Variants in FAM98B observed in about 807,000 individuals in gnomAD.
FAM98B encodes the protein tRNA splicing ligase complex subunit 3B.
Under a neutral mutation model 43.9 loss-of-function variants are expected in FAM98B, and 32 were observed. That is an observed-to-expected ratio of 0.73 (90% CI 0.55 to 0.98). The LOEUF (loss-of-function observed/expected upper bound fraction) is 0.98, where lower values mean the gene tolerates loss of function less well. Among genes scored for constraint, FAM98B ranks in the 50% least tolerant of loss-of-function variants. FAM98B has a pLI of 0.00. For missense variants in FAM98B, 514 were observed against 522.9 expected (o/e 0.98, Z 0.17); for synonymous variants, 190 against 174.0 (o/e 1.09, Z -0.72).
Position 38,454,240 on chromosome 15 carries a change from C to A in FAM98B, c.71+8C>A, listed in dbSNP as rs1428751126. 2.5e-6 allele frequency: 4 copies of A among 1,597,700 alleles called. No individual in the cohort carries two copies. Among genetic ancestry groups the A allele is most frequent in the Non-Finnish European group, 3.4e-6 (4 of 1,173,646 alleles). On this transcript the variant is annotated splice_region_variant and intron_variant, in intron 1 of 7. Transcript: ENST00000397609. ...CACACTGGAGGCGCTGGGGTGAGTG[C>A]TTTTGGAGACGCCTTTTCCCTGAAA...
intron 1 of FAM98B, among the ~76,000 whole-genome samples, chr15:38,459,886 T>C (rs546925864): frequency 2.0e-5 from 3 of 152,296 alleles, no homozygotes; most frequent in African/African-American, 7.2e-5. Flanking sequence ...CACTGTGTTG[T>C]AGATGAAAGA....
In FAM98B at chr15:38,474,203, G is replaced by A; in HGVS notation, c.634G>A (p.Asp212Asn). ...EQAEQLERIN[D>N]ALSCEYECRR... is the part of the protein sequence containing the mutation. ...TTAGGAACAACTGGAAAGAATCAAT[G>A]ATGCTCTTTCCTGTGAATATGAGTG... Residue 212 changes from aspartate to asparagine, a missense_variant, in exon 6 of 8, where the codon GAT becomes AAT. Physicochemically the swap from Asp to Asn is conservative, Grantham distance 23. Around this residue, in one of 2 missense-constraint regions of FAM98B, gnomAD observed 469 missense variants for 451.8 expected, o/e 1.04. Coordinates refer to ENST00000397609, the MANE Select transcript of FAM98B (RefSeq NM_173611.4). 1 of 1,613,168 alleles carries A rather than the reference G, an allele frequency of 6.2e-7. No individual in the cohort carries two copies. Among genetic ancestry groups the A allele is most frequent in the Non-Finnish European group, 8.5e-7 (1 of 1,179,284 alleles).
At chr15:38,456,733 G>A (rs1457177163) in intron 1 of FAM98B, among the ~76,000 whole-genome samples, 1 of 152,200 alleles carries the variant, frequency 6.6e-6, no homozygotes, top group Admixed American at 6.5e-5. Flanking sequence ...AGTAGTTAAG[G>A]TTGGATGGAT....
At chr15:38,469,984 A>C (rs183465120) in intron 3 of FAM98B, among the ~76,000 whole-genome samples, 1 of 152,044 alleles carries the variant, frequency 6.6e-6, no homozygotes, top group Admixed American at 6.6e-5. Context: ...TAGGGTGTCT[A>C]TTTTATATAG....
intron 7 of FAM98B, chr15:38,481,797 T>C (rs1187232633): frequency 3.6e-6 from 2 of 548,692 alleles, no homozygotes; most frequent in African/African-American, 1.9e-5. Flanking sequence ...AGATTCGTTA[T>C]ATCCTTGGTG....
chr15:38,465,325 G>A lies in FAM98B; in HGVS notation c.274G>A (p.Ala92Thr), dbSNP rs1406623179. 2.5e-6 allele frequency: 4 copies of A among 1,611,504 alleles called. No homozygotes were observed. Among genetic ancestry groups the A allele is most frequent in the South Asian group, 1.1e-5 (1 of 90,474 alleles). The change falls in exon 3 of 8, where the codon GCA becomes ACA. Residue 92 changes from alanine to threonine, a missense_variant. Around this residue, in one of 2 missense-constraint regions of FAM98B, gnomAD observed 469 missense variants for 451.8 expected, o/e 1.04. Transcript: ENST00000397609. ...GATAAGTGGCTTTTTAAAAGAAATGGCATGTCCATATTCTGTACTCATATC... is the reference window on the plus strand; with the variant it reads ...GATAAGTGGCTTTTTAAAAGAAATGACATGTCCATATTCTGTACTCATATC... ...LEISGFLKEM[A>T]CPYSVLISGD...
intron 1 of FAM98B, among the ~76,000 whole-genome samples, chr15:38,454,876 C>T (rs1351569053): frequency 2.0e-5 from 3 of 152,208 alleles, no homozygotes; most frequent in Non-Finnish European, 4.4e-5. Context: ...AAGTCTGCTG[C>T]CGGCTGGTAT....
At chr15:38,481,542 T>A (rs987693057) in intron 7 of FAM98B, 83 bp downstream of exon 7, 1 of 1,613,842 alleles carries the variant, frequency 6.2e-7, no homozygotes, top group African/African-American at 1.3e-5. Context: ...TATTTTTCTT[T>A]CATGTCCTGG....
At chr15:38,481,604 G>T in intron 7 of FAM98B, 145 bp downstream of exon 7, 1 of 1,595,416 alleles carries the variant, frequency 6.3e-7, no homozygotes. Context: ...GCTTAGTTAT[G>T]TTATTTTTGT....
Position 38,474,311 on chromosome 15 carries a change from TC to T in FAM98B, c.729+16del. ...TGATAGAGCAAAGGTAAGGCTGTTT[TC>T]CCATATGTGTCCTGTAGGTGGTAGC... On this transcript the variant is annotated intron_variant, in intron 6 of 7. Transcript: ENST00000397609. 6.3e-7 allele frequency: 1 copy of T among 1,575,006 alleles called. No individual in the cohort carries two copies. The highest frequency in any genetic ancestry group is 1.1e-5 in the South Asian group (1 of 89,696).
rs1175054241 is a variant in FAM98B, at chr15:38,486,569, C to T, written c.*1910C>T. The T allele has an allele frequency of 1.3e-5, 2 of 152,074 alleles. No homozygotes were observed. The highest frequency in any genetic ancestry group is 3.8e-4 in the East Asian group (2 of 5,202). The allele number at this position is 152,074 out of a possible 1,614,324, so 9.4% of individuals were successfully genotyped here. On this transcript the variant is annotated 3_prime_UTR_variant, in exon 8 of 8. Transcript: ENST00000397609. ...AGATTTTCCATAAGATTTCTTTGTACCTTTATAGGAGTGCTGCTTGGGTTA... is the reference window on the plus strand; with the variant it reads ...AGATTTTCCATAAGATTTCTTTGTATCTTTATAGGAGTGCTGCTTGGGTTA...
chr15:38,462,879 G>A (rs1016155424), intron 1 of FAM98B, among the ~76,000 whole-genome samples: 14 of 152,138 alleles, frequency 9.2e-5, no homozygotes, highest in Admixed American at 5.9e-4. Context: ...CCAAGTCTAA[G>A]GCAGGAAGAT....
In FAM98B at chr15:38,484,301, T is replaced by C. The variant is rs1158372276; in HGVS notation, c.944T>C (p.Ile315Thr). 6.5e-7 allele frequency: 1 copy of C among 1,548,430 alleles called. No homozygotes were observed. Among genetic ancestry groups the C allele is most frequent in the East Asian group, 2.5e-5 (1 of 40,770 alleles). Residue 315 changes from isoleucine to threonine, a missense_variant, in exon 8 of 8, where the codon ATT becomes ACT. Ile to Thr is a moderately conservative substitution (Grantham distance 89). This residue lies in a region of FAM98B where 469 missense variants were observed against 451.8 expected (regional missense o/e 1.04). Transcript: ENST00000397609. ...GACAGGGGAGGCCGGCCGAATGAAATTGAACCACCACCTCCAGAAATGCCC... is the reference window on the plus strand; with the variant it reads ...GACAGGGGAGGCCGGCCGAATGAAACTGAACCACCACCTCCAGAAATGCCC... ...VPDRGGRPNE[I>T]EPPPPEMPPW... is the part of the protein sequence containing the mutation.
chr15:38,478,198 G>C (rs1890233165), intron 6 of FAM98B, among the ~76,000 whole-genome samples: 1 of 152,102 alleles, frequency 6.6e-6, no homozygotes, highest in Non-Finnish European at 1.5e-5. Context: ...CCCTGAACTG[G>C]ACTTAAATGG....
intron 3 of FAM98B, among the ~76,000 whole-genome samples, chr15:38,465,638 A>T (rs553103621): frequency 2.6e-5 from 4 of 152,230 alleles, no homozygotes; most frequent in Admixed American, 2.6e-4. Flanking sequence ...TTTGTGATTT[A>T]TATAGTACTT....
At chr15:38,469,252 G>A (rs571761987) in intron 3 of FAM98B, among the ~76,000 whole-genome samples, 2 of 151,110 alleles carry the variant, frequency 1.3e-5, no homozygotes, top group South Asian at 4.2e-4. Context: ...TTTAAAACAA[G>A]ACTATAATCA....
At chr15:38,465,215 T>C (rs1890010335) in intron 2 of FAM98B, 54 bp from the exon 3 acceptor site, 3 of 1,531,424 alleles carry the variant, frequency 2.0e-6, no homozygotes, top group Non-Finnish European at 2.6e-6. Flanking sequence ...TTTTATAGTA[T>C]TGGATTATAT....
At chr15:38,480,726 T>C (rs1890269865) in intron 6 of FAM98B, among the ~76,000 whole-genome samples, 1 of 152,232 alleles carries the variant, frequency 6.6e-6, no homozygotes, top group African/African-American at 2.4e-5. Flanking sequence ...GATAAGATGA[T>C]GATAATTTTG....
Sources: allele counts gnomAD v4.1 joint callset (sites outside exome capture counted in the v4.1 genomes callset), GRCh38; gene constraint gnomAD v4.1.1; regional missense constraint gnomAD v4.1.1; transcripts MANE v1.5; gene names NCBI Gene and HGNC (gene_info 2026-07-23, HGNC 2026-07-21).